NINL: variants seen among roughly 807,000 people sequenced by gnomAD.
The protein encoded by NINL is ninein like.
NINL carries 153 observed loss-of-function variants against 160.3 expected under a neutral mutation model. The observed-to-expected ratio is 0.95, with a 90% CI of 0.84 to 1.09. NINL has a LOEUF of 1.09. NINL is among the 50% of genes least tolerant of loss of function. The probability of loss-of-function intolerance (pLI) is 0.00; values close to 1 mark genes in which losing one functional copy is unlikely to be tolerated. For missense variants in NINL, 1,829 were observed against 1,764.0 expected, an observed-to-expected ratio of 1.04 and a Z score of -0.66; for synonymous variants, 800 against 734.8, an observed-to-expected ratio of 1.09 and a Z score of -1.43.
At chr20:25,564,129 A>T (rs1168866280) in intron 1 of NINL, among the ~76,000 whole-genome samples, 3 of 147,498 alleles carry the variant, frequency 2.0e-5, no homozygotes, top group Non-Finnish European at 3.0e-5. Context: ...TGGGAGGCTG[A>T]GGTGGCTTTT....
chr20:25,581,889 A>T (rs551648094), intron 1 of NINL, among the ~76,000 whole-genome samples: 1 of 152,362 alleles, frequency 6.6e-6, no homozygotes, highest in Admixed American at 6.5e-5. Flanking sequence ...AGTCCTATAA[A>T]TCACAACATA....
At chr20:25,520,568 G>A (rs149129389) in intron 2 of NINL, among the ~76,000 whole-genome samples, 39 of 152,322 alleles carry the variant, frequency 2.6e-4, no homozygotes, top group Admixed American at 9.8e-4. Context: ...TTTATTGGGT[G>A]TCTTTGCCTC....
rs139158786 is a variant in NINL at position 25,526,701 on chromosome 20, G to A, written c.-11-103C>T. The A allele has an allele frequency of 3.9e-5, 47 of 1,196,582 alleles. 1 individual carries two copies. Among genetic ancestry groups the A allele is most frequent in the Admixed American group, 3.0e-4 (13 of 43,880 alleles). The allele number at this position is 1,196,582 out of a possible 1,614,324, so 74.1% of individuals were successfully genotyped here. Reference sequence around the variant, plus strand: ...ACCGAGCTACATGGTCCAAGCAGACGCAGGAGCTGGCATGTGGGGAAGGCA... The same window carrying A: ...ACCGAGCTACATGGTCCAAGCAGACACAGGAGCTGGCATGTGGGGAAGGCA... On this transcript the variant is annotated intron_variant, in intron 1 of 23. Coordinates refer to ENST00000278886, the MANE Select transcript of NINL (RefSeq NM_025176.6).
At chr20:25,540,935 CTTT>C (rs33981300) in intron 1 of NINL, among the ~76,000 whole-genome samples, 1 of 148,100 alleles carries the variant, frequency 6.8e-6, no homozygotes, top group Admixed American at 6.7e-5. Flanking sequence ...AAAGCTATCC[CTTT>C]TTTTTTTTAT....
intron 1 of NINL, among the ~76,000 whole-genome samples, chr20:25,530,775 G>A (rs373081897): frequency 3.9e-5 from 6 of 152,204 alleles, no homozygotes; most frequent in Non-Finnish European, 7.4e-5. Flanking sequence ...CAGAGATCAC[G>A]TGCTTCATAA....
chr20:25,522,744 A>G (rs192317979), intron 2 of NINL, among the ~76,000 whole-genome samples: 3 of 152,360 alleles, frequency 2.0e-5, no homozygotes, highest in Admixed American at 2.0e-4. Context: ...GTGCCATTTC[A>G]GTCTGATACC....
At chr20:25,570,694 C>CT (rs57981279) in intron 1 of NINL, among the ~76,000 whole-genome samples, 39,635 of 88,596 alleles carry the variant, frequency 0.45, 11,197 homozygotes, top group Non-Finnish European at 0.51. Context: ...GGCAAGTAGA[C>CT]TTTTTTTTTT....
intron 19 of NINL, among the ~76,000 whole-genome samples, chr20:25,466,520 C>T (rs891797017): frequency 5.3e-5 from 8 of 152,056 alleles, no homozygotes; most frequent in South Asian, 2.1e-4. Context: ...TTGGGGTAAG[C>T]CGGGTACAGT....
chr20:25,582,573 C>A (rs2065185891), intron 1 of NINL, among the ~76,000 whole-genome samples: 1 of 152,206 alleles, frequency 6.6e-6, no homozygotes, highest in African/African-American at 2.4e-5. Context: ...TGCACCTGAA[C>A]TTTACATAAA....
intron 13 of NINL, among the ~76,000 whole-genome samples, chr20:25,486,804 G>A (rs2063512523): frequency 2.6e-5 from 4 of 152,156 alleles, no homozygotes; most frequent in Admixed American, 2.6e-4. Context: ...TTACATGGGA[G>A]GGAAATCATT....
intron 1 of NINL, among the ~76,000 whole-genome samples, chr20:25,542,634 G>A (rs1327394700): frequency 7.6e-6 from 1 of 131,764 alleles, no homozygotes; most frequent in Non-Finnish European, 1.6e-5. Flanking sequence ...AGCAGCCCTC[G>A]AAGATGCTCT....
chr20:25,500,847 A>G lies in NINL; in HGVS notation c.1025T>C (p.Ile342Thr). Residue 342 changes from isoleucine (I) to threonine (T), a missense_variant, in exon 8 of 24, where the codon ATC becomes ACC. By Grantham distance (89) the Ile-to-Thr change is moderately conservative. Transcript: ENST00000278886. ...CATCACCCAGTTCCAAACCTGCAAG[A>G]TCTCCCTGCCATTCTGAATCCCCTC... ...TQEGIQNGRE[I>T]LQSLDFSVDE... 6.2e-7 allele frequency: 1 copy of G among 1,613,668 alleles called. No homozygotes were observed. Among genetic ancestry groups the G allele is most frequent in the Non-Finnish European group, 8.5e-7 (1 of 1,179,776 alleles).
chr20:25,468,320 T>C (rs888156174), intron 18 of NINL, among the ~76,000 whole-genome samples: 16 of 135,500 alleles, frequency 1.2e-4, no homozygotes, highest in African/African-American at 4.2e-4. Flanking sequence ...TGGCCCCCCG[T>C]CTGGTCCCCC....
intron 8 of NINL, chr20:25,499,041 G>C: frequency 1.0e-6 from 1 of 985,458 alleles, no homozygotes; most frequent in Non-Finnish European, 1.2e-6. Context: ...TCCACTTGTG[G>C]CTACAAACGC....
chr20:25,459,341 G>A (rs141201245), intron 21 of NINL, among the ~76,000 whole-genome samples: 119 of 152,202 alleles, frequency 7.8e-4, no homozygotes, highest in East Asian at 3.5e-3. Context: ...TGACTCAGCC[G>A]AGCTGGGGGC....
chr20:25,540,946 T>TA (rs1555875399), intron 1 of NINL, among the ~76,000 whole-genome samples: 1 of 151,938 alleles, frequency 6.6e-6, no homozygotes, highest in Non-Finnish European at 1.5e-5. Context: ...TTTTTTTTTT[T>TA]ATCAAATAAG....
intron 20 of NINL, among the ~76,000 whole-genome samples, chr20:25,461,986 C>A (rs921118096): frequency 3.9e-5 from 6 of 152,150 alleles, no homozygotes; most frequent in South Asian, 2.1e-4. Context: ...GGTGACTCGG[C>A]CGATTTCAGT....
intron 17 of NINL, among the ~76,000 whole-genome samples, chr20:25,474,373 G>A (rs986089083): frequency 6.6e-6 from 1 of 152,162 alleles, no homozygotes; most frequent in African/African-American, 2.4e-5. Context: ...GCCTTGTTAA[G>A]CCACCAAGTC....
chr20:25,462,923 G>A (rs1215759526), intron 19 of NINL, among the ~76,000 whole-genome samples: 2 of 152,308 alleles, frequency 1.3e-5, no homozygotes, highest in African/African-American at 4.8e-5. Context: ...CCAAAGTGCT[G>A]GGATTATAGG....
Sources: gnomAD v4.1 joint callset for allele counts (sites outside exome capture counted in the v4.1 genomes callset) on GRCh38, gnomAD v4.1.1 for gene constraint, MANE v1.5 for transcripts, NCBI Gene and HGNC (gene_info 2026-07-23, HGNC 2026-07-21) for gene names.